MTNAP1: variants seen among roughly 807,000 people sequenced by gnomAD.
MTNAP1 encodes mitochondrial nucleoid-associated protein 1.
the MTNAP1 span, among the ~76,000 whole-genome samples, chr17:73,239,886 C>T: frequency 6.6e-6 from 1 of 152,140 alleles, no homozygotes; most frequent in Admixed American, 6.5e-5. Context: ...GGATTCAAAC[C>T]CAGGTTCGTC....
At chr17:73,246,348 G>A in the MTNAP1 span, among the ~76,000 whole-genome samples, 1 of 152,038 alleles carries the variant, frequency 6.6e-6, no homozygotes, top group African/African-American at 2.4e-5. Flanking sequence ...CCTGTGCAAT[G>A]TGGTGAAATC....
At chr17:73,248,739 G>C in the MTNAP1 span, 2 of 556,294 alleles carry the variant, frequency 3.6e-6, no homozygotes, top group Non-Finnish European at 6.4e-6. Flanking sequence ...CGTGGTCTGT[G>C]TAAGTGGATT....
the MTNAP1 span, among the ~76,000 whole-genome samples, chr17:73,234,104 T>G: frequency 6.6e-5 from 10 of 152,166 alleles, no homozygotes; most frequent in African/African-American, 2.4e-4. Context: ...TAAACGTTTA[T>G]ATCTAAAGAA....
the MTNAP1 span, chr17:73,247,252 C>T: frequency 2.9e-4 from 469 of 1,614,068 alleles, no homozygotes; most frequent in Middle Eastern, 6.6e-4. Flanking sequence ...AAAATTGTGC[C>T]GACCCCTGCC....
chr17:73,248,152 T>A, the MTNAP1 span: 1 of 262,650 alleles, frequency 3.8e-6, no homozygotes, highest in African/African-American at 2.2e-5. Flanking sequence ...TTTTCGCTCA[T>A]GTATGCAAAA....
At chr17:73,236,181 G>A in the MTNAP1 span, 75 of 1,614,026 alleles carry the variant, frequency 4.6e-5, 2 homozygotes, top group Admixed American at 1.3e-3. Flanking sequence ...TTTCTCCAAA[G>A]AATGTCAGTG....
At chr17:73,248,711 C>G in the MTNAP1 span, 1 of 677,924 alleles carries the variant, frequency 1.5e-6, no homozygotes, top group East Asian at 2.8e-5. Flanking sequence ...TGCCTGAATA[C>G]CCCGGCTGTA....
At chr17:73,237,055 G>A in the MTNAP1 span, 1 of 1,424,202 alleles carries the variant, frequency 7.0e-7, no homozygotes, top group South Asian at 1.4e-5. Flanking sequence ...TCTGCCTTTT[G>A]AATTTATAAG....
chr17:73,244,036 A>G, the MTNAP1 span, among the ~76,000 whole-genome samples: 1 of 152,208 alleles, frequency 6.6e-6, no homozygotes, highest in African/African-American at 2.4e-5. Context: ...TATCTCAGTT[A>G]ATCTACTTTG....
chr17:73,236,489 A>G, the MTNAP1 span: 9 of 1,614,100 alleles, frequency 5.6e-6, no homozygotes, highest in South Asian at 1.1e-5. Flanking sequence ...GAGAACTTCA[A>G]CACCAGGGAT....
chr17:73,247,231 G>C, the MTNAP1 span: 1 of 1,611,634 alleles, frequency 6.2e-7, no homozygotes, highest in Non-Finnish European at 8.5e-7. Context: ...TTACTATCTG[G>C]CCTTTACAGA....
At chr17:73,245,622 A>G in the MTNAP1 span, 1 of 985,412 alleles carries the variant, frequency 1.0e-6, no homozygotes, top group Non-Finnish European at 1.2e-6. Flanking sequence ...TTGGCAGAAA[A>G]TAAGCCCACA....
chr17:73,248,597 C>T, the MTNAP1 span: 1 of 1,510,618 alleles, frequency 6.6e-7, no homozygotes, highest in Non-Finnish European at 9.0e-7. Context: ...TTCACCTTCC[C>T]ATCCATCCCG....
the MTNAP1 span, chr17:73,237,034 A>C: frequency 3.3e-6 from 5 of 1,494,092 alleles, no homozygotes; most frequent in Non-Finnish European, 4.4e-6. Flanking sequence ...TGTCCCATCC[A>C]AAATGCTCTC....
At chr17:73,233,104 G>A in the MTNAP1 span, 789 of 152,320 alleles carry the variant, frequency 5.2e-3, 10 homozygotes, top group South Asian at 0.019. Context: ...CCCGGAGGCT[G>A]GGGAGGTCTT....
the MTNAP1 span, chr17:73,245,730 A>G: frequency 1.0e-6 from 1 of 985,366 alleles, no homozygotes; most frequent in Non-Finnish European, 1.2e-6. Flanking sequence ...GTTGCAGGTA[A>G]GCCTCCGAAA....
the MTNAP1 span, chr17:73,247,581 A>G: frequency 9.0e-6 from 4 of 445,286 alleles, no homozygotes; most frequent in South Asian, 1.1e-4. Flanking sequence ...TAAATATTTT[A>G]TATCCCTGAA....
the MTNAP1 span, chr17:73,236,906 T>C: frequency 2.2e-5 from 36 of 1,613,998 alleles, 1 homozygote; most frequent in South Asian, 4.0e-4. Flanking sequence ...TACCTTGGAC[T>C]AGGGGTGTTG....
the MTNAP1 span, among the ~76,000 whole-genome samples, chr17:73,243,525 C>T: frequency 1.3e-5 from 2 of 150,838 alleles, no homozygotes; most frequent in African/African-American, 2.4e-5. Flanking sequence ...ACATAATTGC[C>T]CTTGTCCTCC....
Sources: allele counts gnomAD v4.1 joint callset (sites outside exome capture counted in the v4.1 genomes callset), GRCh38; gene constraint gnomAD v4.1.1; transcripts MANE v1.5; gene names NCBI Gene and HGNC (gene_info 2026-07-23, HGNC 2026-07-21).